The following MAGI2 variants were observed in gnomAD, a reference collection of about 807,000 sequenced individuals.
The protein encoded by MAGI2 is membrane-associated guanylate kinase, WW and PDZ domain-containing protein 2.
MAGI2 carries 35 observed loss-of-function variants against 133.3 expected under a neutral mutation model. The observed-to-expected ratio is 0.26, with a 90% CI of 0.20 to 0.35. The LOEUF (loss-of-function observed/expected upper bound fraction) is 0.35, where lower values mean the gene tolerates loss of function less well. Ranked by LOEUF, MAGI2 falls within the 10% of genes least tolerant of loss-of-function variation. The pLI is 1.00. For missense variants in MAGI2, 1,636 were observed against 1,863.4 expected (o/e 0.88, Z 2.25); for synonymous variants, 729 against 710.6 (o/e 1.03, Z -0.41).
At chr7:79,425,420 A>T (rs1431932565) in intron 1 of MAGI2, among the ~76,000 whole-genome samples, 1 of 151,946 alleles carries the variant, frequency 6.6e-6, no homozygotes, top group East Asian at 1.9e-4. Flanking sequence ...CTACCACACC[A>T]GTCCTGGACC....
intron 10 of MAGI2, among the ~76,000 whole-genome samples, chr7:78,229,763 A>G (rs891066849): frequency 8.5e-5 from 13 of 152,196 alleles, no homozygotes; most frequent in African/African-American, 3.1e-4. Flanking sequence ...AAGACCTCCA[A>G]CCCAAGTGGG....
chr7:78,681,944 G>C (rs574290399), intron 2 of MAGI2, among the ~76,000 whole-genome samples: 1 of 152,002 alleles, frequency 6.6e-6, no homozygotes, highest in Non-Finnish European at 1.5e-5. Context: ...GAAGATGTGC[G>C]AAAGAATAGT....
chr7:78,607,684 G>A (rs60165022), intron 3 of MAGI2, among the ~76,000 whole-genome samples: 2,970 of 152,200 alleles, frequency 0.02, 71 homozygotes, highest in African/African-American at 0.056. Context: ...ATTGTGTGAT[G>A]TACAAAATAC....
chr7:78,959,442 T>C (rs1017332929), intron 2 of MAGI2, among the ~76,000 whole-genome samples: 4 of 152,120 alleles, frequency 2.6e-5, no homozygotes, highest in Admixed American at 2.0e-4. Context: ...ATCACTACAA[T>C]TTTTTCTCCT....
intron 1 of MAGI2, among the ~76,000 whole-genome samples, chr7:79,280,200 A>G (rs1171488432): frequency 6.6e-6 from 1 of 152,174 alleles, no homozygotes; most frequent in African/African-American, 2.4e-5. Context: ...ACATGACCTA[A>G]CAGAGATGAC....
chr7:78,271,783 G>A (rs1231082945), intron 9 of MAGI2, among the ~76,000 whole-genome samples: 1 of 152,086 alleles, frequency 6.6e-6, no homozygotes, highest in Non-Finnish European at 1.5e-5. Flanking sequence ...GTATTTCTGT[G>A]GGATCGGTGG....
chr7:78,061,794 A>G (rs748721118), intron 21 of MAGI2, among the ~76,000 whole-genome samples: 1 of 152,112 alleles, frequency 6.6e-6, no homozygotes, highest in Non-Finnish European at 1.5e-5. Context: ...GAGCAATTGA[A>G]CAGGTAAGAG....
chr7:78,261,407 T>C (rs1189232244), intron 9 of MAGI2, among the ~76,000 whole-genome samples: 1 of 152,154 alleles, frequency 6.6e-6, no homozygotes, highest in African/African-American at 2.4e-5. Flanking sequence ...CTTCCTGACA[T>C]TGCTCCTATC....
chr7:78,545,638 T>C (rs923482919), intron 3 of MAGI2, among the ~76,000 whole-genome samples: 2 of 152,202 alleles, frequency 1.3e-5, no homozygotes, highest in Non-Finnish European at 2.9e-5. Flanking sequence ...TTTAATGACA[T>C]TGTTGGTAGA....
intron 1 of MAGI2, among the ~76,000 whole-genome samples, chr7:79,136,003 G>GAAAGAAAGAAAGAAAGAGAAAGAA (rs749343638): frequency 2.0e-4 from 8 of 40,912 alleles, no homozygotes; most frequent in South Asian, 7.9e-4. Context: ...AAGAAAGAAA[G>GAAAGAAAGAAAGAAAGAGAAAGAA]AGAAAGAAAG....
At chr7:79,137,577 C>CGT (rs1368880155) in intron 1 of MAGI2, among the ~76,000 whole-genome samples, 1 of 151,678 alleles carries the variant, frequency 6.6e-6, no homozygotes, top group Non-Finnish European at 1.5e-5. Flanking sequence ...CTCAGCCTCC[C>CGT]GTGCAGCTGG....
chr7:79,190,989 T>C (rs1827608875), intron 1 of MAGI2, among the ~76,000 whole-genome samples: 2 of 151,922 alleles, frequency 1.3e-5, no homozygotes, highest in African/African-American at 4.8e-5. Context: ...TTTCCACATA[T>C]ATGTGGGCAA....
At chr7:78,522,042 T>A (rs990214583) in intron 3 of MAGI2, among the ~76,000 whole-genome samples, 7 of 152,192 alleles carry the variant, frequency 4.6e-5, no homozygotes, top group Non-Finnish European at 1.0e-4. Context: ...AGTGGGGTAA[T>A]CTCACACTAT....
chr7:78,815,613 G>A (rs561259562), intron 2 of MAGI2, among the ~76,000 whole-genome samples: 15 of 151,918 alleles, frequency 9.9e-5, no homozygotes, highest in Middle Eastern at 3.4e-3. Flanking sequence ...TCTGTGTCAC[G>A]TTTGGTAATT....
At chr7:79,350,637 C>T (rs979373556) in intron 1 of MAGI2, among the ~76,000 whole-genome samples, 5 of 151,954 alleles carry the variant, frequency 3.3e-5, no homozygotes, top group African/African-American at 9.7e-5. Flanking sequence ...GTGATGAAGG[C>T]TTAAACAAAT....
At chr7:78,987,920 G>C (rs888802661) in intron 2 of MAGI2, among the ~76,000 whole-genome samples, 1 of 151,928 alleles carries the variant, frequency 6.6e-6, no homozygotes, top group Non-Finnish European at 1.5e-5. Context: ...CTGAGCAAGA[G>C]GTTAACACAT....
At chr7:79,143,248 T>C (rs1292825403) in intron 1 of MAGI2, among the ~76,000 whole-genome samples, 2 of 152,170 alleles carry the variant, frequency 1.3e-5, no homozygotes, top group Non-Finnish European at 2.9e-5. Flanking sequence ...GTAACTTAGA[T>C]GCAAACAGCA....
chr7:78,080,924 C>T (rs562910375), intron 20 of MAGI2, among the ~76,000 whole-genome samples: 2 of 152,270 alleles, frequency 1.3e-5, no homozygotes, highest in East Asian at 3.9e-4. Flanking sequence ...CAATTCAGGC[C>T]TTTACATGGT....
chr7:79,113,447 A>T (rs949367050), intron 1 of MAGI2, among the ~76,000 whole-genome samples: 7 of 152,174 alleles, frequency 4.6e-5, no homozygotes, highest in Non-Finnish European at 5.9e-5. Context: ...CGGGTTTGTC[A>T]TGGAGAGACC....
Sources: allele counts gnomAD v4.1 joint callset (sites outside exome capture counted in the v4.1 genomes callset), GRCh38; gene constraint gnomAD v4.1.1; transcripts MANE v1.5; gene names NCBI Gene and HGNC (gene_info 2026-07-23, HGNC 2026-07-21).